Variants in DNAH7 observed in about 807,000 individuals in gnomAD.
DNAH7 encodes the protein axonemal beta dynein heavy chain 7.
DNAH7 carries 397 observed loss-of-function variants against 444.6 expected under a neutral mutation model. The observed-to-expected ratio is 0.89, with a 90% CI of 0.82 to 0.97. The LOEUF is 0.97. DNAH7 is among the 50% of genes least tolerant of loss of function. DNAH7 has a pLI of 0.00. For missense variants in DNAH7, 4,902 were observed against 4,800.8 expected, an observed-to-expected ratio of 1.02 and a Z score of -0.62; for synonymous variants, 1,636 against 1,624.4, an observed-to-expected ratio of 1.01 and a Z score of -0.17.
chr2:195,825,383 A>G (rs1176020243), intron 48 of DNAH7, among the ~76,000 whole-genome samples: 2 of 152,158 alleles, frequency 1.3e-5, no homozygotes, highest in Admixed American at 1.3e-4. Context: ...TAAACAACAC[A>G]TTGAATTTTG....
rs868305494 is a variant in DNAH7, at chr2:195,875,741, C to A, written c.6220G>T (p.Asp2074Tyr). ...RQWLDHWNWY[D>Y]LKDCSMIKLV... The stretch of plus-strand genomic sequence containing the variant: ...TTAATCATGGAACAATCTTTTAGAT[C>A]ATACCAGTTCCAGTGGTCTAACCAC... The change falls in exon 38 of 65, where the codon GAT becomes TAT. Residue 2074 changes from aspartate to tyrosine, a missense_variant. Asp to Tyr is a radical substitution (Grantham distance 160). Transcript: ENST00000312428. 6.2e-7 allele frequency: 1 copy of A among 1,613,326 alleles called. No homozygotes were observed. The highest frequency in any genetic ancestry group is 1.3e-5 in the African/African-American group (1 of 75,020).
chr2:196,022,645 T>C (rs1695449990), intron 8 of DNAH7, among the ~76,000 whole-genome samples: 1 of 152,200 alleles, frequency 6.6e-6, no homozygotes, highest in Non-Finnish European at 1.5e-5. Flanking sequence ...CAACACATCT[T>C]TCCAACACAT....
At chr2:195,900,645 G>A in intron 27 of DNAH7, 151 bp from the exon 28 acceptor site, 1 of 686,566 alleles carries the variant, frequency 1.5e-6, no homozygotes. Flanking sequence ...ACTAGAGGCT[G>A]GGAAAGGTGA....
intron 47 of DNAH7, among the ~76,000 whole-genome samples, chr2:195,841,228 TTCTC>T (rs890042605): frequency 3.3e-5 from 5 of 151,388 alleles, no homozygotes; most frequent in African/African-American, 9.7e-5. Flanking sequence ...CTCTTTCTCT[TTCTC>T]TCTCTCTGTC....
At chr2:195,959,903 T>G (rs1690960605) in intron 18 of DNAH7, among the ~76,000 whole-genome samples, 1 of 152,220 alleles carries the variant, frequency 6.6e-6, no homozygotes, top group Non-Finnish European at 1.5e-5. Flanking sequence ...GATACAAAAT[T>G]ATTTTTGAGA....
In DNAH7 at chr2:195,850,584, T is replaced by C. The variant is rs368953741; in HGVS notation, c.8781+2759A>G. Among the ~76,000 whole-genome samples the C allele has an allele frequency of 6.6e-5, 10 of 152,290 alleles. No homozygotes were observed. The East Asian group carries it at 1.5e-3, about 24-fold the overall frequency. On this transcript the variant is annotated intron_variant, in intron 46 of 64. Coordinates refer to ENST00000312428, the MANE Select transcript of DNAH7 (RefSeq NM_018897.3). ...ATTTATGAAAAGTGCCAGGAATCTA[T>C]AAAAGAGTTGATAAATAATTGACGA... is the stretch of plus-strand genomic sequence containing the variant.
intron 36 of DNAH7, 104 bp downstream of exon 36, chr2:195,881,684 TTCAAACA>T: frequency 8.5e-7 from 1 of 1,178,734 alleles, no homozygotes; most frequent in South Asian, 1.7e-5. Context: ...TTCTCTGCAG[TTCAAACA>T]TCAAAGTACT....
Position 195,775,966 on chromosome 2 carries a change from T to C in DNAH7, c.11082A>G (p.Glu3694=), listed in dbSNP as rs1227299990. The stretch of plus-strand genomic sequence containing the variant: ...GGGTCAGTGGCAGAGTCTTTGTGTA[T>C]TCGATGTAGCTTTTGTGCTGCAGAG... ...PPSGDHKSYI[E]YTKTLPLTPA... is the part of the protein sequence containing the mutation. Residue 3694 remains glutamate (E), a synonymous_variant, in exon 60 of 65, where the codon GAA becomes GAG. Coordinates refer to ENST00000312428, the MANE Select transcript of DNAH7 (RefSeq NM_018897.3). 7 of 1,613,974 alleles carry C rather than the reference T, an allele frequency of 4.3e-6. No homozygotes were observed. In the East Asian group the frequency reaches 1.3e-4, roughly 31 times the overall value.
At chr2:195,913,711 T>C (rs578139450) in intron 24 of DNAH7, among the ~76,000 whole-genome samples, 63 of 109,336 alleles carry the variant, frequency 5.8e-4, no homozygotes, top group South Asian at 1.5e-3. Context: ...TTTGTTGCTG[T>C]TGTTGTTTGG....
intron 57 of DNAH7, among the ~76,000 whole-genome samples, chr2:195,789,280 G>T (rs1305507714): frequency 6.6e-6 from 1 of 151,930 alleles, no homozygotes; most frequent in Non-Finnish European, 1.5e-5. Context: ...GTATAGCAAT[G>T]AAAATACTTA....
intron 55 of DNAH7, 110 bp from the exon 56 acceptor site, chr2:195,796,847 G>T: frequency 8.3e-7 from 1 of 1,199,970 alleles, no homozygotes; most frequent in Non-Finnish European, 1.1e-6. Context: ...TGGGTCACAT[G>T]TCTCAAAAAG....
In DNAH7 at chr2:195,858,733, GC is replaced by G. The variant is rs1276166644; in HGVS notation, c.7807del (p.Ala2603ProfsTer14). Reference protein sequence around the residue: ...EKLDSASSQVATMQMELEALH... With the variant: ...EKLDSASSQVXTMQMELEALH... Reference sequence around the variant, plus strand: ...TGCCTCCAACTCCATCTGCATTGTGGCTACTTGAGATGAAGCAGAATCCAGT... The same window carrying G: ...TGCCTCCAACTCCATCTGCATTGTGGTACTTGAGATGAAGCAGAATCCAGT... On this transcript the variant is annotated frameshift_variant, in exon 43 of 65. Coordinates refer to ENST00000312428, the MANE Select transcript of DNAH7 (RefSeq NM_018897.3). LOFTEE classifies it high-confidence loss of function. 2 of 1,613,926 alleles carry G rather than the reference GC, an allele frequency of 1.2e-6. No homozygotes were observed. The highest frequency in any genetic ancestry group is 4.5e-5 in the East Asian group (2 of 44,878).
chr2:195,901,540 T>A (rs1032583077), intron 27 of DNAH7: 1 of 152,118 alleles, frequency 6.6e-6, no homozygotes. Flanking sequence ...AGCAACATGT[T>A]ACAGAACCTC....
At chr2:195,848,136 T>C (rs1181933142) in intron 46 of DNAH7, among the ~76,000 whole-genome samples, 1 of 152,230 alleles carries the variant, frequency 6.6e-6, no homozygotes, top group East Asian at 1.9e-4. Flanking sequence ...TGGCGCTGGC[T>C]GAGAGGCCAC....
At chr2:196,068,658 C>CGCG (rs886112584) in intron 1 of DNAH7, 39 bp downstream of exon 1, 5 of 1,549,808 alleles carry the variant, frequency 3.2e-6, no homozygotes, top group African/African-American at 1.4e-5. Context: ...TGGGAAGCGT[C>CGCG]GCGGCGGCGG....
At chr2:196,054,882 T>C (rs894060567) in intron 2 of DNAH7, among the ~76,000 whole-genome samples, 1 of 152,194 alleles carries the variant, frequency 6.6e-6, no homozygotes, top group African/African-American at 2.4e-5. Flanking sequence ...GTTGCTTCCC[T>C]TTCCACGATG....
chr2:195,951,917 T>C (rs1227803274), intron 19 of DNAH7, among the ~76,000 whole-genome samples: 3 of 152,226 alleles, frequency 2.0e-5, no homozygotes, highest in African/African-American at 7.2e-5. Flanking sequence ...ATTGGGGCAT[T>C]TAGCCTGCTT....
At chr2:195,943,923 A>G (rs940384181) in intron 19 of DNAH7, among the ~76,000 whole-genome samples, 2 of 152,172 alleles carry the variant, frequency 1.3e-5, no homozygotes, top group Non-Finnish European at 2.9e-5. Flanking sequence ...TGCACCTGCT[A>G]CTAAGCAATC....
chr2:195,862,013 C>T, intron 41 of DNAH7, 67 bp from the exon 42 acceptor site: 1 of 1,198,506 alleles, frequency 8.3e-7, no homozygotes, highest in Non-Finnish European at 1.2e-6. Flanking sequence ...ACTACTGCAG[C>T]CCTTTACAAC....
Sources: gnomAD v4.1 joint callset for allele counts (sites outside exome capture counted in the v4.1 genomes callset) on GRCh38, gnomAD v4.1.1 for gene constraint, MANE v1.5 for transcripts, NCBI Gene and HGNC (gene_info 2026-07-23, HGNC 2026-07-21) for gene names.